The following KLKB1 variants were observed in gnomAD, a reference collection of about 807,000 sequenced individuals.
The protein encoded by KLKB1 is kallikrein B1, also known as plasma kallikrein.
In KLKB1, 58 loss-of-function variants were observed where a neutral mutation model predicts 73.6. The ratio of observed to expected loss-of-function variants is 0.79; its 90% CI spans 0.64 to 0.98. The LOEUF (loss-of-function observed/expected upper bound fraction) is 0.98, where lower values mean the gene tolerates loss of function less well. KLKB1 is among the 50% of genes least tolerant of loss of function. The probability of loss-of-function intolerance (pLI) is 0.00; values close to 1 mark genes in which losing one functional copy is unlikely to be tolerated. For synonymous variants in KLKB1, 280 were observed against 258.1 expected (o/e 1.08, Z -0.81); for missense variants, 737 against 763.8 (o/e 0.96, Z 0.41).
intron 6 of KLKB1, among the ~76,000 whole-genome samples, chr4:186,242,971 A>G (rs1451791625): frequency 6.8e-6 from 1 of 147,106 alleles, no homozygotes; most frequent in Non-Finnish European, 1.5e-5. Context: ...CTGAGGAATT[A>G]TGTCTGACAG....
upstream of KLKB1, among the ~76,000 whole-genome samples, chr4:186,224,544 A>G (rs758788628): frequency 1.3e-5 from 2 of 152,196 alleles, no homozygotes; most frequent in Non-Finnish European, 2.9e-5. Flanking sequence ...TAGGTTTTGC[A>G]TATGCTTGGG....
chr4:186,251,854 C>G lies in KLKB1; in HGVS notation c.1137C>G (p.Asp379Glu). 6.2e-7 allele frequency: 1 copy of G among 1,611,870 alleles called. No homozygotes were observed. Among genetic ancestry groups the G allele is most frequent in the Non-Finnish European group, 8.5e-7 (1 of 1,178,300 alleles). The change falls in exon 10 of 15, where the codon GAC becomes GAG. Residue 379 changes from aspartate (D) to glutamate (E), a missense_variant. Transcript: ENST00000264690. ...GYSLRLCNTG[D>E]NSVCTTKTST... ...CTTTGAGATTGTGTAACACTGGGGA[C>G]AACTCTGGTGAGTAACCTCACTTTT...
chr4:186,214,791 T>C (rs986642863), intron 2 of KLKB1, among the ~76,000 whole-genome samples: 2 of 152,232 alleles, frequency 1.3e-5, no homozygotes, highest in Non-Finnish European at 2.9e-5. Context: ...GTTGCATCCT[T>C]GCCTCAGTTT....
intron 13 of KLKB1, among the ~76,000 whole-genome samples, chr4:186,256,580 A>AT (rs1030282979): frequency 1.3e-5 from 2 of 152,124 alleles, no homozygotes; most frequent in African/African-American, 4.8e-5. Flanking sequence ...ACATTTTTAG[A>AT]TTTTTTATTG....
chr4:186,232,155 C>G lies in KLKB1; in HGVS notation c.87C>G (p.Ala29=). The change falls in exon 3 of 15, where the codon GCC becomes GCG. Residue 29 remains alanine (A), a synonymous_variant. Transcript: ENST00000264690. ...CGCLTQLYEN[A]FFRGGDVASM... Reference sequence around the variant, plus strand: ...GTCTGACTCAACTCTATGAAAACGCCTTCTTCAGAGGTGGGGATGTAGCTT... The same window carrying G: ...GTCTGACTCAACTCTATGAAAACGCGTTCTTCAGAGGTGGGGATGTAGCTT... The G allele has an allele frequency of 1.9e-6, 3 of 1,612,826 alleles. No individual in the cohort carries two copies. The highest frequency in any genetic ancestry group is 1.7e-6 in the Non-Finnish European group (2 of 1,179,212).
upstream of KLKB1, among the ~76,000 whole-genome samples, chr4:186,224,358 G>T (rs557758069): frequency 1.1e-4 from 17 of 152,312 alleles, no homozygotes; most frequent in Non-Finnish European, 1.9e-4. Context: ...CTGGAAAGTT[G>T]CAGGCACTCA....
intron 1 of KLKB1, 141 bp from the exon 2 acceptor site, chr4:186,228,054 A>AC (rs1737229422): frequency 4.8e-6 from 3 of 624,796 alleles, no homozygotes; most frequent in Non-Finnish European, 8.6e-6. Flanking sequence ...ACCAAAAAAA[A>AC]ACCCTTGTTT....
chr4:186,217,590 T>A lies in KLKB1; in HGVS notation c.201+8318T>A, dbSNP rs191291109. Among the ~76,000 whole-genome samples, 226 of 152,324 alleles carry A rather than the reference T, an allele frequency of 1.5e-3. 2 individuals are homozygous for A. Among genetic ancestry groups the A allele is most frequent in the African/African-American group, 5.2e-3 (215 of 41,568 alleles). ...AACTCTAATGTACTAATCAAGATGA[T>A]ATACTGTAATTTCAAAGAATAGAAA... On this transcript the variant is annotated intron_variant, in intron 2 of 14. Transcript: ENST00000511608.
chr4:186,235,885 A>G (rs1173072941), intron 4 of KLKB1, among the ~76,000 whole-genome samples: 17 of 151,254 alleles, frequency 1.1e-4, no homozygotes, highest in African/African-American at 3.4e-4. Flanking sequence ...GGAGGCCGAG[A>G]CGGGCGGATC....
rs1402408736 is a variant in KLKB1, at chr4:186,245,824, G to GTTTTTTTTTTTTTT, written c.599-4407_599-4406insTTTTTTTTTTTTTT. ...GGAGTTTTTTTTTGTTTGTTTTTTG[G>GTTTTTTTTTTTTTT]TTTTTTTTTTTTAATGTCAGGAGCT... On this transcript the variant is annotated intron_variant, in intron 6 of 14. Transcript: ENST00000264690. 2.4e-3 allele frequency among the ~76,000 whole-genome samples: 268 copies of GTTTTTTTTTTTTTT among 109,934 alleles called. 57 individuals are homozygous for GTTTTTTTTTTTTTT. Among genetic ancestry groups the GTTTTTTTTTTTTTT allele is most frequent in the Middle Eastern group, 5.7e-3 (1 of 176 alleles). The allele number at this position is 109,934 out of a possible 152,430, so 72.1% of individuals were successfully genotyped here. A position where few individuals can be genotyped will look rare whatever the true frequency, so the allele number is the denominator to read the frequency against.
intron 4 of KLKB1, among the ~76,000 whole-genome samples, chr4:186,235,199 G>C (rs1259082417): frequency 1.3e-5 from 2 of 152,028 alleles, no homozygotes; most frequent in African/African-American, 4.8e-5. Flanking sequence ...AATCCAATTT[G>C]GTATAAATTA....
At chr4:186,226,158 C>A (rs1561446497), upstream of KLKB1, among the ~76,000 whole-genome samples, 4 of 151,956 alleles carry the variant, frequency 2.6e-5, no homozygotes, top group African/African-American at 9.7e-5. Flanking sequence ...TAATTTTGCT[C>A]ATGTATTGTT....
At chr4:186,246,059 A>G (rs776200079) in intron 6 of KLKB1, among the ~76,000 whole-genome samples, 1 of 151,892 alleles carries the variant, frequency 6.6e-6, no homozygotes, top group Non-Finnish European at 1.5e-5. Context: ...TTTAGCTCCA[A>G]CCACCTCTTT....
At chr4:186,230,557 G>C (rs796683201) in intron 2 of KLKB1, among the ~76,000 whole-genome samples, 1 of 152,148 alleles carries the variant, frequency 6.6e-6, no homozygotes, top group Non-Finnish European at 1.5e-5. Context: ...ATACAGCACA[G>C]ACACAGCTAT....
At chr4:186,256,504 A>G (rs955935976) in intron 13 of KLKB1, among the ~76,000 whole-genome samples, 5 of 152,198 alleles carry the variant, frequency 3.3e-5, no homozygotes, top group Non-Finnish European at 7.3e-5. Flanking sequence ...GTCATTCTTT[A>G]CAGAAGAAGG....
intron 2 of KLKB1, among the ~76,000 whole-genome samples, chr4:186,216,824 C>T (rs1439813117): frequency 6.6e-6 from 1 of 152,198 alleles, no homozygotes; most frequent in Non-Finnish European, 1.5e-5. Context: ...TCTGACATCT[C>T]CTTATGCTGA....
chr4:186,234,197 C>G (rs1252201218), intron 4 of KLKB1, 139 bp downstream of exon 4: 2 of 702,840 alleles, frequency 2.8e-6, no homozygotes, highest in African/African-American at 3.5e-5. Context: ...ATTCTGGACA[C>G]AAAAGAGGGA....
intron 6 of KLKB1, among the ~76,000 whole-genome samples, chr4:186,245,739 T>A (rs4253288): frequency 2.0e-5 from 3 of 150,508 alleles, no homozygotes; most frequent in African/African-American, 4.9e-5. Context: ...TTATTGTACA[T>A]CTTGAAGGCG....
chr4:186,238,858 G>A (rs1428034098), intron 6 of KLKB1, among the ~76,000 whole-genome samples: 1 of 152,148 alleles, frequency 6.6e-6, no homozygotes. Context: ...TGCCCCTAGA[G>A]CAGCAGTTAT....
Sources: allele counts gnomAD v4.1 joint callset (sites outside exome capture counted in the v4.1 genomes callset), GRCh38; gene constraint gnomAD v4.1.1; transcripts MANE v1.5; gene names NCBI Gene and HGNC (gene_info 2026-07-23, HGNC 2026-07-21).